The following EPHA6 variants were observed in gnomAD, a reference collection of about 807,000 sequenced individuals.
EPHA6 encodes ephrin type-A receptor 6.
EPHA6 carries 50 observed loss-of-function variants against 112.0 expected under a neutral mutation model. That is an observed-to-expected ratio of 0.45 (90% confidence interval 0.36 to 0.56). The LOEUF (loss-of-function observed/expected upper bound fraction) is 0.56. EPHA6 is among the 20% of genes least tolerant of loss of function. The pLI, the probability that EPHA6 is intolerant of heterozygous loss-of-function variation, is 0.00. For missense variants in EPHA6, 1,280 were observed against 1,417.4 expected, an observed-to-expected ratio of 0.90 and a Z score of 1.56; for synonymous variants, 529 against 490.7, an observed-to-expected ratio of 1.08 and a Z score of -1.03.
chr3:97,259,835 C>T lies in EPHA6; in HGVS notation c.1606+15548C>T, dbSNP rs1377575205. Reference sequence around the variant, plus strand: ...TTTTTTTTTGAGACAGGGTCTCCCTCTGTTGCCCAGGCTGGAGTGCAGTGG... The same window carrying T: ...TTTTTTTTTGAGACAGGGTCTCCCTTTGTTGCCCAGGCTGGAGTGCAGTGG... On this transcript the variant is annotated intron_variant, in intron 5 of 17. Coordinates refer to ENST00000389672, the MANE Select transcript of EPHA6 (RefSeq NM_001080448.3). Among the ~76,000 whole-genome samples the T allele has an allele frequency of 2.7e-5, 4 of 149,786 alleles. No homozygotes were observed. The East Asian group carries it at 7.9e-4, about 29-fold the overall frequency.
intron 7 of EPHA6, among the ~76,000 whole-genome samples, chr3:97,469,016 T>C (rs1451820253): frequency 6.6e-6 from 1 of 151,732 alleles, no homozygotes; most frequent in East Asian, 1.9e-4. Flanking sequence ...TTAGAATAGT[T>C]TGGAGGCAAA....
intron 3 of EPHA6, among the ~76,000 whole-genome samples, chr3:97,223,956 G>T (rs974581310): frequency 6.6e-6 from 1 of 151,832 alleles, no homozygotes; most frequent in African/African-American, 2.4e-5. Context: ...GCCATGTGAG[G>T]TTATTGGGCA....
chr3:97,747,467 T>G lies in EPHA6; in HGVS notation c.3173T>G (p.Val1058Gly). The change falls in exon 17 of 18, where the codon GTC becomes GGC. Residue 1058 changes from valine (V) to glycine (G), a missense_variant. Physicochemically the swap from Val to Gly is moderately radical, Grantham distance 109 (BLOSUM62 -3). Around this residue, in one of 4 missense-constraint regions of EPHA6, gnomAD observed 145 missense variants for 153.3 expected, o/e 0.95. Coordinates refer to ENST00000389672, the MANE Select transcript of EPHA6 (RefSeq NM_001080448.3). ...PGEVPEYPLF[V>G]TVGDWLDSIK... Reference sequence around the variant, plus strand: ...GAAGTTCCGGAATATCCTTTGTTTGTCACAGTTGGTGACTGGCTAGATTCT... The same window carrying G: ...GAAGTTCCGGAATATCCTTTGTTTGGCACAGTTGGTGACTGGCTAGATTCT... 6.2e-7 allele frequency: 1 copy of G among 1,601,638 alleles called. No individual in the cohort carries two copies. Among genetic ancestry groups the G allele is most frequent in the Non-Finnish European group, 8.5e-7 (1 of 1,173,592 alleles).
At chr3:96,978,707 A>C (rs530912157) in intron 2 of EPHA6, among the ~76,000 whole-genome samples, 4 of 152,142 alleles carry the variant, frequency 2.6e-5, no homozygotes, top group Admixed American at 2.6e-4. Flanking sequence ...GTAAAAAAAA[A>C]TGCATCATTT....
intron 3 of EPHA6, among the ~76,000 whole-genome samples, chr3:97,104,397 G>A (rs1006497828): frequency 2.0e-5 from 3 of 152,060 alleles, no homozygotes; most frequent in African/African-American, 7.2e-5. Context: ...CATCTATTGA[G>A]ATAATCATGT....
At chr3:97,038,136 A>G (rs561955263) in intron 3 of EPHA6, among the ~76,000 whole-genome samples, 6 of 152,160 alleles carry the variant, frequency 3.9e-5, no homozygotes, top group Middle Eastern at 3.4e-3. Flanking sequence ...CATGTTAAAT[A>G]TTTATCTTTT....
At chr3:97,621,888 G>A (rs1040334484) in intron 13 of EPHA6, among the ~76,000 whole-genome samples, 6 of 151,848 alleles carry the variant, frequency 4.0e-5, no homozygotes, top group Non-Finnish European at 1.5e-5. Context: ...CCAGATTGCA[G>A]AGAGCAAAAA....
intron 11 of EPHA6, among the ~76,000 whole-genome samples, chr3:97,583,355 C>T (rs181841861): frequency 1.6e-4 from 24 of 151,710 alleles, no homozygotes; most frequent in African/African-American, 4.4e-4. Flanking sequence ...CTGGCTAACA[C>T]GGTGAAACCC....
Position 97,363,220 on chromosome 3 carries a change from ATATATATATATATAT to A in EPHA6, c.1607-41929_1607-41915del, listed in dbSNP as rs2084492878. 1.6e-4 allele frequency among the ~76,000 whole-genome samples: 11 copies of A among 69,350 alleles called. 1 individual carries two copies. The highest frequency in any genetic ancestry group is 1.2e-3 in the Admixed American group (8 of 6,690). The allele number at this position is 69,350 out of a possible 152,430, so 45.5% of individuals were successfully genotyped here. On this transcript the variant is annotated intron_variant, in intron 5 of 17. Transcript: ENST00000389672. Reference sequence around the variant, plus strand: ...TATATATATATATATATATATATATATATATATATATATATATAAATCTCAGATGCTACAAAAACT... The same window carrying A: ...TATATATATATATATATATATATATAATAAATCTCAGATGCTACAAAAACT...
At chr3:97,694,053 T>C (rs1331913084) in intron 14 of EPHA6, among the ~76,000 whole-genome samples, 1 of 152,100 alleles carries the variant, frequency 6.6e-6, no homozygotes, top group East Asian at 1.9e-4. Context: ...TTATTTTAGC[T>C]ATTTAAATCA....
At chr3:97,682,808 T>TG (rs2031965173) in intron 14 of EPHA6, among the ~76,000 whole-genome samples, 1 of 152,206 alleles carries the variant, frequency 6.6e-6, no homozygotes, top group Admixed American at 6.5e-5. Flanking sequence ...GTCATCTGTA[T>TG]ACTCTATGGA....
At chr3:96,990,967 G>C (rs558564187) in intron 3 of EPHA6, among the ~76,000 whole-genome samples, 5 of 152,116 alleles carry the variant, frequency 3.3e-5, no homozygotes, top group African/African-American at 9.6e-5. Context: ...TGTCTATTCT[G>C]TGTAAACAAT....
intron 3 of EPHA6, among the ~76,000 whole-genome samples, chr3:97,136,413 G>A (rs2075770873): frequency 6.6e-6 from 1 of 152,036 alleles, no homozygotes; most frequent in South Asian, 2.1e-4. Flanking sequence ...ATTAGAAAAG[G>A]CTGAATAAAG....
At chr3:97,597,397 G>A (rs555791266) in intron 12 of EPHA6, among the ~76,000 whole-genome samples, 1 of 152,162 alleles carries the variant, frequency 6.6e-6, no homozygotes, top group Admixed American at 6.5e-5. Context: ...GAACACATGG[G>A]TATTCAAAAA....
intron 10 of EPHA6, among the ~76,000 whole-genome samples, chr3:97,531,946 G>A (rs917717280): frequency 6.6e-6 from 1 of 151,912 alleles, no homozygotes; most frequent in Non-Finnish European, 1.5e-5. Flanking sequence ...ATGACCTAGG[G>A]GATCGAATTA....
chr3:97,694,528 C>T (rs1336612271), intron 14 of EPHA6, among the ~76,000 whole-genome samples: 2 of 152,152 alleles, frequency 1.3e-5, no homozygotes, highest in Non-Finnish European at 2.9e-5. Flanking sequence ...TGAGGCACTG[C>T]GCCCAGCCTG....
intron 7 of EPHA6, among the ~76,000 whole-genome samples, chr3:97,463,589 A>G (rs1433105177): frequency 6.6e-6 from 1 of 152,172 alleles, no homozygotes; most frequent in Non-Finnish European, 1.5e-5. Flanking sequence ...AGAAAGATTT[A>G]TAGAAGCCAT....
intron 5 of EPHA6, among the ~76,000 whole-genome samples, chr3:97,285,879 C>G (rs1216137744): frequency 2.0e-5 from 3 of 152,110 alleles, no homozygotes. Flanking sequence ...TTCCTTTTCT[C>G]CACATCCTCA....
chr3:96,884,346 A>C (rs150640800), intron 2 of EPHA6, among the ~76,000 whole-genome samples: 7,235 of 152,256 alleles, frequency 0.048, 501 homozygotes, highest in African/African-American at 0.15. Flanking sequence ...CTACCCATCC[A>C]TGAGCACGGG....
Sources: allele counts gnomAD v4.1 joint callset (sites outside exome capture counted in the v4.1 genomes callset), GRCh38; gene constraint gnomAD v4.1.1; regional missense constraint gnomAD v4.1.1; transcripts MANE v1.5; gene names NCBI Gene and HGNC (gene_info 2026-07-23, HGNC 2026-07-21).